The following DLGAP1 variants were observed in gnomAD, a reference collection of about 807,000 sequenced individuals.
DLGAP1 encodes the protein DLG associated protein 1.
A neutral mutation model predicts 90.8 loss-of-function variants in DLGAP1; 11 were observed. The ratio of observed to expected loss-of-function variants is 0.12; its 90% CI spans 0.08 to 0.20. The LOEUF (loss-of-function observed/expected upper bound fraction) is 0.20. DLGAP1 is among the 10% of genes least tolerant of loss of function. The probability of loss-of-function intolerance (pLI) is 1.00; values close to 1 mark genes in which losing one functional copy is unlikely to be tolerated. For synonymous variants in DLGAP1, 558 were observed against 540.7 expected (o/e 1.03, Z -0.44); for missense variants, 1,050 against 1,333.8 (o/e 0.79, Z 3.31).
At chr18:4,104,470 CT>C (rs1251063121) in intron 2 of DLGAP1, among the ~76,000 whole-genome samples, 2 of 152,130 alleles carry the variant, frequency 1.3e-5, no homozygotes, top group African/African-American at 4.8e-5. Context: ...TGTAGCATTT[CT>C]TTTTTCCCCT....
chr18:3,914,120 T>A (rs367964442), intron 3 of DLGAP1, among the ~76,000 whole-genome samples: 7 of 152,306 alleles, frequency 4.6e-5, no homozygotes, highest in African/African-American at 1.7e-4. Flanking sequence ...GGAGCATAGG[T>A]TAACTATAGT....
At chr18:4,427,125 TAAG>T (rs2083174586) in intron 1 of DLGAP1, among the ~76,000 whole-genome samples, 1 of 152,122 alleles carries the variant, frequency 6.6e-6, no homozygotes, top group Admixed American at 6.5e-5. Flanking sequence ...CTTGTAAACA[TAAG>T]AACAAGGTGA....
Position 3,958,145 on chromosome 18 carries a change from C to A in DLGAP1, c.-73+46971G>T, listed in dbSNP as rs376223678. On this transcript the variant is annotated intron_variant, in intron 3 of 12. Coordinates refer to ENST00000315677, the MANE Select transcript of DLGAP1 (RefSeq NM_004746.4). ...CTGACCTCAGGTGGTTCGAAGTGGGCAGATCTGCCCGCCTCGGCCTCTCAA... is the reference window on the plus strand; with the variant it reads ...CTGACCTCAGGTGGTTCGAAGTGGGAAGATCTGCCCGCCTCGGCCTCTCAA... Among the ~76,000 whole-genome samples, 54 of 152,116 alleles carry A rather than the reference C, an allele frequency of 3.5e-4. 1 individual carries two copies. In the East Asian group the frequency reaches 9.5e-3, roughly 27 times the overall value.
At chr18:3,509,723 C>A (rs1422175297) in intron 10 of DLGAP1, among the ~76,000 whole-genome samples, 1 of 152,206 alleles carries the variant, frequency 6.6e-6, no homozygotes, top group Non-Finnish European at 1.5e-5. Flanking sequence ...CTTTCTCAAC[C>A]TCATTCCCCA....
chr18:3,933,642 C>T (rs972367555), intron 3 of DLGAP1, among the ~76,000 whole-genome samples: 12 of 152,210 alleles, frequency 7.9e-5, no homozygotes, highest in Non-Finnish European at 1.6e-4. Context: ...AAGCCTAGCC[C>T]TCCTGGTGGT....
chr18:4,449,658 G>A (rs757855056), intron 1 of DLGAP1, among the ~76,000 whole-genome samples: 9 of 152,156 alleles, frequency 5.9e-5, no homozygotes, highest in Non-Finnish European at 8.8e-5. Context: ...TGATCTCACG[G>A]AATGCACAGT....
At chr18:4,086,585 A>C (rs894978432) in intron 2 of DLGAP1, among the ~76,000 whole-genome samples, 3 of 152,186 alleles carry the variant, frequency 2.0e-5, no homozygotes, top group African/African-American at 7.2e-5. Flanking sequence ...GTGTTATTTA[A>C]TTTTAAGATA....
At chr18:3,527,927 G>T (rs764007786) in intron 10 of DLGAP1, among the ~76,000 whole-genome samples, 2 of 152,100 alleles carry the variant, frequency 1.3e-5, no homozygotes, top group Non-Finnish European at 2.9e-5. Flanking sequence ...ATAGACATAA[G>T]ATTTGCCATT....
chr18:4,167,274 C>T (rs550481900), intron 1 of DLGAP1, among the ~76,000 whole-genome samples: 1 of 152,130 alleles, frequency 6.6e-6, no homozygotes, highest in East Asian at 1.9e-4. Flanking sequence ...CATGGCCCTA[C>T]TATATGCTGT....
At position 4,098,023 on chromosome 18, in the gene DLGAP1, C is replaced by G. The variant is rs561296216; in HGVS notation, c.-159+53157G>C. On this transcript the variant is annotated intron_variant, in intron 2 of 12. Coordinates refer to ENST00000315677, the MANE Select transcript of DLGAP1 (RefSeq NM_004746.4). ...TGATCTCTGGGACTCAATCGATCCT[C>G]CCACCTCAGCCTTCTGAGTAGCTGG... Among the ~76,000 whole-genome samples, 69 of 152,308 alleles carry G rather than the reference C, an allele frequency of 4.5e-4. No individual in the cohort carries two copies. The South Asian group carries it at 6.0e-3, about 13-fold the overall frequency.
At position 3,497,184 on chromosome 18, in the gene DLGAP1, T is replaced by C. The variant is rs1012800885; in HGVS notation, c.*2001A>G. The C allele has an allele frequency of 1.3e-5, 2 of 152,210 alleles. No homozygotes were observed. The highest frequency in any genetic ancestry group is 2.4e-5 in the African/African-American group (1 of 41,450). The allele number at this position is 152,210 out of a possible 1,614,324, so 9.4% of individuals were successfully genotyped here. A position where few individuals can be genotyped will look rare whatever the true frequency, so the allele number is the denominator to read the frequency against. On this transcript the variant is annotated 3_prime_UTR_variant, in exon 13 of 13. Transcript: ENST00000315677. The stretch of plus-strand genomic sequence containing the variant: ...GACCATAGGCTACCCAAGTGGCAGT[T>C]GGCCCTACTCGATGCAAGCTTTGTG...
chr18:4,007,633 G>A (rs749470335), intron 2 of DLGAP1, among the ~76,000 whole-genome samples: 33 of 151,778 alleles, frequency 2.2e-4, no homozygotes, highest in Non-Finnish European at 4.1e-4. Context: ...TCCAGCCTGG[G>A]TGACAGAACA....
chr18:3,641,218 A>G (rs1040392411), intron 7 of DLGAP1, among the ~76,000 whole-genome samples: 2 of 151,760 alleles, frequency 1.3e-5, no homozygotes, highest in Non-Finnish European at 2.9e-5. Context: ...ATTAATGTAT[A>G]TTATGAAGGA....
chr18:4,181,694 CTTCT>C (rs2077210445), intron 1 of DLGAP1, among the ~76,000 whole-genome samples: 1 of 148,920 alleles, frequency 6.7e-6, no homozygotes, highest in Admixed American at 6.7e-5. Context: ...CTTTGGATTT[CTTCT>C]TTTTTTTTTA....
chr18:3,962,534 A>T (rs2073223892), intron 3 of DLGAP1: 1 of 152,278 alleles, frequency 6.6e-6, no homozygotes, highest in Non-Finnish European at 1.5e-5. Context: ...TGTGTACTTC[A>T]GGGAAATTTT....
chr18:3,597,591 G>A (rs1263372658), intron 7 of DLGAP1: 2 of 247,336 alleles, frequency 8.1e-6, no homozygotes, highest in Non-Finnish European at 1.6e-5. Context: ...TCACTGGCAG[G>A]CTTGCTGGAC....
chr18:4,183,734 C>G (rs1598568697), intron 1 of DLGAP1, among the ~76,000 whole-genome samples: 1 of 152,174 alleles, frequency 6.6e-6, no homozygotes, highest in African/African-American at 2.4e-5. Context: ...ATAATCTTTA[C>G]CTGGGTTTCA....
chr18:3,999,598 A>G (rs1418768594), intron 3 of DLGAP1, among the ~76,000 whole-genome samples: 1 of 141,134 alleles, frequency 7.1e-6, no homozygotes, highest in East Asian at 2.1e-4. Flanking sequence ...TTGTGAATAG[A>G]AAGTAACAAA....
At position 4,230,939 on chromosome 18, in the gene DLGAP1, A is replaced by C. The variant is rs79788326; in HGVS notation, c.-266-79652T>G. ...AATTAAAAATAAATAATTTGAAATA[A>C]AACAAACAAACAAAAAACCTAAAAA... On this transcript the variant is annotated intron_variant, in intron 1 of 12. Coordinates refer to ENST00000315677, the MANE Select transcript of DLGAP1 (RefSeq NM_004746.4). Among the ~76,000 whole-genome samples the C allele has an allele frequency of 1.2e-3, 189 of 151,948 alleles. 2 individuals are homozygous for C. The East Asian group carries it at 0.031, about 25-fold the overall frequency.
Sources: gnomAD v4.1 joint callset for allele counts (sites outside exome capture counted in the v4.1 genomes callset) on GRCh38, gnomAD v4.1.1 for gene constraint, MANE v1.5 for transcripts, NCBI Gene and HGNC (gene_info 2026-07-23, HGNC 2026-07-21) for gene names.